NBPF11: variants seen among roughly 807,000 people sequenced by gnomAD.
The protein encoded by NBPF11 is NBPF member 11.
Under a neutral mutation model 93.9 loss-of-function variants are expected in NBPF11, and 72 were observed. The ratio of observed to expected loss-of-function variants is 0.77; its 90% CI spans 0.63 to 0.93. The LOEUF (loss-of-function observed/expected upper bound fraction) is 0.93, where lower values mean the gene tolerates loss of function less well. Ranked by LOEUF, NBPF11 falls within the 40% of genes least tolerant of loss-of-function variation. The pLI, the probability that NBPF11 is intolerant of heterozygous loss-of-function variation, is 0.00. For missense variants in NBPF11, 705 were observed against 802.2 expected, an observed-to-expected ratio of 0.88 and a Z score of 1.46; for synonymous variants, 224 against 304.9, an observed-to-expected ratio of 0.73 and a Z score of 2.76.
intron 8 of NBPF11, among the ~76,000 whole-genome samples, 178 bp from the exon 9 acceptor site, chr1:148,122,444 A>G (rs1247244411): frequency 2.0e-5 from 3 of 152,132 alleles, no homozygotes; most frequent in African/African-American, 7.3e-5. Flanking sequence ...CTTCGCTGCC[A>G]TGGGAGCCAG....
Position 148,135,738 on chromosome 1 carries a change from A to G in NBPF11, c.-102T>C. ...TTCTTGGCATTAACTTTGGATTCCC[A>G]ACCAGTAAATCTTAGCAAGATCTGA... On this transcript the variant is annotated 5_prime_UTR_variant, in exon 4 of 24. Coordinates refer to ENST00000682118, the MANE Select transcript of NBPF11 (RefSeq NM_001385469.3). 1 of 709,910 alleles carries G rather than the reference A, an allele frequency of 1.4e-6. No homozygotes were observed. Among genetic ancestry groups the G allele is most frequent in the Non-Finnish European group, 2.5e-6 (1 of 402,096 alleles). 44.0% of individuals were successfully genotyped at this position (709,910 alleles called of 1,614,324 possible). A position where few individuals can be genotyped will look rare whatever the true frequency, so the allele number is the denominator to read the frequency against.
In NBPF11 at chr1:148,103,705, G is replaced by T; in HGVS notation, c.*191C>A. On this transcript the variant is annotated 3_prime_UTR_variant, in exon 24 of 24. Transcript: ENST00000682118. ...ATATGACTCCCATCTGGAAGACCAG[G>T]TGGAGACTTCTCACCGTCAAAGTAA... The T allele has an allele frequency of 6.2e-7, 1 of 1,611,348 alleles. No individual in the cohort carries two copies. The highest frequency in any genetic ancestry group is 8.5e-7 in the Non-Finnish European group (1 of 1,179,328).
At chr1:148,118,426 G>A (rs1473261699) in intron 11 of NBPF11, among the ~76,000 whole-genome samples, 194 bp downstream of exon 11, 1 of 151,198 alleles carries the variant, frequency 6.6e-6, no homozygotes, top group East Asian at 2.0e-4. Context: ...ACAAGGCTCT[G>A]AGAAACAACT....
intron 2 of NBPF11, among the ~76,000 whole-genome samples, chr1:148,142,510 G>A (rs2149294532): frequency 6.6e-6 from 1 of 151,454 alleles, no homozygotes; most frequent in Non-Finnish European, 1.5e-5. Context: ...CTGCAGGTGG[G>A]GGCCTCAGCC....
intron 4 of NBPF11, among the ~76,000 whole-genome samples, chr1:148,132,841 T>C (rs1297500615): frequency 9.1e-6 from 1 of 110,230 alleles, no homozygotes; most frequent in Non-Finnish European, 1.8e-5. Context: ...AACCTCTGCC[T>C]CCCAGGTTCA....
intron 7 of NBPF11, 45 bp downstream of exon 7, chr1:148,123,808 C>T (rs1223853264): frequency 8.4e-7 from 1 of 1,184,936 alleles, no homozygotes; most frequent in African/African-American, 1.5e-5. Flanking sequence ...TGGAGCCTCT[C>T]ATAAGCCTGG....
intron 2 of NBPF11, among the ~76,000 whole-genome samples, chr1:148,142,972 C>T (rs1328298623): frequency 1.7e-3 from 262 of 152,380 alleles, no homozygotes; most frequent in South Asian, 9.9e-3. Context: ...CACACATCTC[C>T]CCACCCAGGA....
At chr1:148,119,521 C>T (rs1198668157) in intron 10 of NBPF11, among the ~76,000 whole-genome samples, 1 of 151,774 alleles carries the variant, frequency 6.6e-6, no homozygotes, top group Non-Finnish European at 1.5e-5. Flanking sequence ...ACGGTCCCTG[C>T]TCTGTACACT....
intron 5 of NBPF11, among the ~76,000 whole-genome samples, chr1:148,125,274 C>T (rs1553272813): frequency 5.3e-5 from 8 of 150,726 alleles, no homozygotes; most frequent in African/African-American, 1.7e-4. Context: ...GAACTCACAG[C>T]CCCTGAGGTC....
chr1:148,141,296 AC>A (rs1672124606), intron 2 of NBPF11, among the ~76,000 whole-genome samples: 1 of 152,022 alleles, frequency 6.6e-6, no homozygotes, highest in East Asian at 1.9e-4. Context: ...TAAACTATGG[AC>A]TTTAGTTGAT....
At position 148,151,812 on chromosome 1, in the gene NBPF11, C is replaced by T. The variant is rs1444950759; in HGVS notation, c.-611G>A. 1.3e-5 allele frequency: 2 copies of T among 152,132 alleles called. No individual in the cohort carries two copies. The highest frequency in any genetic ancestry group is 4.8e-5 in the African/African-American group (2 of 41,330). The allele number at this position is 152,132 out of a possible 1,614,324, so 9.4% of individuals were successfully genotyped here. A position where few individuals can be genotyped will look rare whatever the true frequency, so the allele number is the denominator to read the frequency against. ...CTTCCCATCCAGGCTGCAGCCGTGC[C>T]GCCGTACCTCGGCCCCGCTCCTGGC... On this transcript the variant is annotated 5_prime_UTR_variant, in exon 1 of 24. Transcript: ENST00000682118.
intron 5 of NBPF11, among the ~76,000 whole-genome samples, 166 bp from the exon 6 acceptor site, chr1:148,125,167 G>C (rs1668808304): frequency 6.6e-6 from 1 of 151,948 alleles, no homozygotes; most frequent in African/African-American, 2.4e-5. Flanking sequence ...TGACTTTCTG[G>C]CATCTGATCC....
chr1:148,140,903 A>G (rs1301146228), intron 2 of NBPF11, among the ~76,000 whole-genome samples: 2 of 151,918 alleles, frequency 1.3e-5, no homozygotes, highest in African/African-American at 2.4e-5. Flanking sequence ...GGAAGTACCC[A>G]AGACGTCTTT....
intron 9 of NBPF11, 107 bp from the exon 10 acceptor site, chr1:148,120,817 G>T (rs1273123521): frequency 1.9e-5 from 17 of 891,302 alleles, no homozygotes; most frequent in African/African-American, 3.3e-5. Context: ...CTTATTTGAA[G>T]ATGTTGTTTC....
intron 1 of NBPF11, among the ~76,000 whole-genome samples, chr1:148,150,976 G>A (rs1414547942): frequency 1.3e-5 from 2 of 151,818 alleles, no homozygotes; most frequent in African/African-American, 4.9e-5. Context: ...ATCCGCCCGC[G>A]TCGGCCTCTT....
chr1:148,108,432 T>A, intron 18 of NBPF11, 50 bp downstream of exon 18: 3 of 1,282,836 alleles, frequency 2.3e-6, no homozygotes, highest in Middle Eastern at 2.6e-4. Context: ...AATATGACCC[T>A]AAACAGAAGA....
chr1:148,145,637 T>G (rs1350132703), intron 1 of NBPF11, among the ~76,000 whole-genome samples: 2 of 151,572 alleles, frequency 1.3e-5, no homozygotes, highest in Admixed American at 1.3e-4. Context: ...TCCCAACACT[T>G]TGGGAGGCCG....
intron 1 of NBPF11, among the ~76,000 whole-genome samples, chr1:148,148,086 C>A (rs1418739853): frequency 2.0e-5 from 3 of 152,172 alleles, no homozygotes; most frequent in Admixed American, 2.0e-4. Context: ...TGGCTCAGCA[C>A]ACTACTGACC....
intron 1 of NBPF11, among the ~76,000 whole-genome samples, chr1:148,150,464 C>G (rs1648002817): frequency 1.3e-5 from 2 of 150,498 alleles, no homozygotes; most frequent in Non-Finnish European, 2.9e-5. Flanking sequence ...TCGAAGATTT[C>G]TTTGACACAA....
Sources: allele counts gnomAD v4.1 joint callset (sites outside exome capture counted in the v4.1 genomes callset), GRCh38; gene constraint gnomAD v4.1.1; transcripts MANE v1.5; gene names NCBI Gene and HGNC (gene_info 2026-07-23, HGNC 2026-07-21).